Variants in MGST2 observed in about 807,000 individuals in gnomAD.
MGST2 encodes microsomal glutathione S-transferase 2.
Under a neutral mutation model 16.6 loss-of-function variants are expected in MGST2, and 9 were observed. The observed-to-expected ratio is 0.54, with a 90% CI of 0.33 to 0.95. The LOEUF is 0.95. Among genes scored for constraint, MGST2 ranks in the 40% least tolerant of loss-of-function variants. The pLI is 0.03. For missense variants in MGST2, 159 were observed against 175.1 expected (o/e 0.91, Z 0.52); for synonymous variants, 79 against 68.0 (o/e 1.16, Z -0.79).
chr4:139,701,510 A>G lies in MGST2; in HGVS notation c.230-1945A>G, dbSNP rs909000641. On this transcript the variant is annotated intron_variant, in intron 3 of 4. Transcript: ENST00000265498. ...ACCTCCTCCAGTTCCTCTCTCTCCCATCTCTCTTCATTTCTTTCACAGCAC... is the reference window on the plus strand; with the variant it reads ...ACCTCCTCCAGTTCCTCTCTCTCCCGTCTCTCTTCATTTCTTTCACAGCAC... Among the ~76,000 whole-genome samples, 14 of 151,702 alleles carry G rather than the reference A, an allele frequency of 9.2e-5. No homozygotes were observed. The East Asian group carries it at 2.7e-3, about 29-fold the overall frequency.
intron 5 of MGST2, among the ~76,000 whole-genome samples, chr4:139,728,033 T>C (rs1728547865): frequency 6.6e-6 from 1 of 152,102 alleles, no homozygotes; most frequent in Non-Finnish European, 1.5e-5. Flanking sequence ...CTGGCCAACA[T>C]GGTGAAACCC....
intron 2 of MGST2, among the ~76,000 whole-genome samples, chr4:139,691,859 C>T (rs987190706): frequency 7.2e-5 from 11 of 152,048 alleles, no homozygotes; most frequent in East Asian, 5.8e-4. Context: ...CCACCACGCC[C>T]GGCTAATTTT....
At chr4:139,750,665 A>C in the MGST2 span, among the ~76,000 whole-genome samples, 1 of 152,148 alleles carries the variant, frequency 6.6e-6, no homozygotes, top group African/African-American at 2.4e-5. Context: ...TAAAAATATA[A>C]ATTTAAAGAG....
intron 5 of MGST2, among the ~76,000 whole-genome samples, chr4:139,739,009 T>G (rs1440116531): frequency 6.6e-6 from 1 of 152,182 alleles, no homozygotes; most frequent in Non-Finnish European, 1.5e-5. Context: ...ATGGCATCCT[T>G]CCTGGCAAGG....
At chr4:139,707,930 G>A (rs1353806667), downstream of MGST2, among the ~76,000 whole-genome samples, 2 of 151,476 alleles carry the variant, frequency 1.3e-5, no homozygotes, top group Non-Finnish European at 2.9e-5. Context: ...AAATTTGTTT[G>A]AGTTCATTGT....
chr4:139,754,214 G>A, the MGST2 span, among the ~76,000 whole-genome samples: 1 of 152,238 alleles, frequency 6.6e-6, no homozygotes, highest in Non-Finnish European at 1.5e-5. Context: ...TCAATTATGG[G>A]TGAGTTTTTA....
chr4:139,733,560 A>G (rs925025758), intron 5 of MGST2, among the ~76,000 whole-genome samples: 1 of 94,894 alleles, frequency 1.1e-5, no homozygotes, highest in Admixed American at 1.5e-4. Context: ...ACAGTGTGAA[A>G]AAAAAAAAAA....
chr4:139,689,262 G>C (rs777183476), intron 2 of MGST2, among the ~76,000 whole-genome samples: 3 of 152,112 alleles, frequency 2.0e-5, no homozygotes, highest in Non-Finnish European at 2.9e-5. Context: ...AGGGAGCTGG[G>C]AGGTGGAGGA....
At chr4:139,685,442 G>A (rs1212836175) in intron 2 of MGST2, 2 of 153,560 alleles carry the variant, frequency 1.3e-5, no homozygotes, top group Non-Finnish European at 2.9e-5. Context: ...TTTTACTCTT[G>A]TGTCTGCTCT....
At chr4:139,673,943 C>T (rs560236193) in intron 1 of MGST2, among the ~76,000 whole-genome samples, 24 of 152,272 alleles carry the variant, frequency 1.6e-4, no homozygotes, top group African/African-American at 4.8e-4. Context: ...GGTTTGGCCT[C>T]AAAAGGCAGG....
At chr4:139,722,835 C>T (rs1475528866) in intron 5 of MGST2, among the ~76,000 whole-genome samples, 1 of 152,106 alleles carries the variant, frequency 6.6e-6, no homozygotes, top group East Asian at 1.9e-4. Context: ...TGCTATTTTC[C>T]CAGATGCATA....
intron 2 of MGST2, 46 bp from the exon 3 acceptor site, chr4:139,695,151 T>C (rs1246479462): frequency 3.7e-6 from 5 of 1,357,148 alleles, no homozygotes; most frequent in Non-Finnish European, 4.2e-6. Flanking sequence ...TGCTTCAGTG[T>C]ATACTTTTCT....
At chr4:139,719,041 C>T (rs1728111382) in intron 5 of MGST2, 1 of 401,622 alleles carries the variant, frequency 2.5e-6, no homozygotes, top group Non-Finnish European at 4.4e-6. Flanking sequence ...GGCAGAGGGG[C>T]TCTGGCCGGC....
intron 2 of MGST2, among the ~76,000 whole-genome samples, chr4:139,689,534 G>T (rs556475135): frequency 7.9e-5 from 12 of 152,224 alleles, no homozygotes; most frequent in African/African-American, 2.9e-4. Flanking sequence ...CCAAAAGACC[G>T]CCCAGGGTCC....
At chr4:139,670,164 A>T (rs2058321724) in intron 1 of MGST2, among the ~76,000 whole-genome samples, 1 of 145,600 alleles carries the variant, frequency 6.9e-6, no homozygotes. Context: ...AGGTTGAGAC[A>T]GGAGGCAGTG....
chr4:139,725,780 T>C, intron 5 of MGST2: 2 of 1,613,900 alleles, frequency 1.2e-6, no homozygotes, highest in East Asian at 2.2e-5. Flanking sequence ...CTGCACTGGG[T>C]ATGGATTCCG....
At chr4:139,718,252 G>A (rs755930899) in intron 5 of MGST2, 8 of 152,228 alleles carry the variant, frequency 5.3e-5, no homozygotes, top group African/African-American at 1.9e-4. Flanking sequence ...AACGCTACAC[G>A]TTAGAGAAAG....
chr4:139,717,185 T>C (rs1431129843), intron 5 of MGST2: 1 of 152,504 alleles, frequency 6.6e-6, no homozygotes, highest in Non-Finnish European at 1.5e-5. Context: ...AAAACCACCA[T>C]ATTAAAATCT....
chr4:139,737,077 C>T (rs1728974607), intron 5 of MGST2, among the ~76,000 whole-genome samples: 1 of 152,112 alleles, frequency 6.6e-6, no homozygotes, highest in Non-Finnish European at 1.5e-5. Context: ...GAGGAGCATC[C>T]ATGACTGAGG....
Sources: allele counts gnomAD v4.1 joint callset (sites outside exome capture counted in the v4.1 genomes callset), GRCh38; gene constraint gnomAD v4.1.1; transcripts MANE v1.5; gene names NCBI Gene and HGNC (gene_info 2026-07-23, HGNC 2026-07-21).